Variants in SIPA1L2 observed in about 807,000 individuals in gnomAD.
SIPA1L2 encodes signal-induced proliferation-associated 1-like protein 2.
SIPA1L2 carries 56 observed loss-of-function variants against 163.9 expected under a neutral mutation model. The ratio of observed to expected loss-of-function variants is 0.34; its 90% CI spans 0.28 to 0.43. The LOEUF (loss-of-function observed/expected upper bound fraction) is 0.43, where lower values mean the gene tolerates loss of function less well. SIPA1L2 is among the 20% of genes least tolerant of loss of function. The pLI is 1.00. For missense variants in SIPA1L2, 1,974 were observed against 2,193.5 expected (o/e 0.90, Z 2.00); for synonymous variants, 877 against 865.7 (o/e 1.01, Z -0.23).
chr1:232,597,892 A>T (rs544923728), intron 1 of SIPA1L2, among the ~76,000 whole-genome samples: 3 of 152,196 alleles, frequency 2.0e-5, no homozygotes, highest in Non-Finnish European at 4.4e-5. Flanking sequence ...ACCCGAAAGA[A>T]CACTTCGAAA....
intron 7 of SIPA1L2, among the ~76,000 whole-genome samples, chr1:232,476,023 T>C (rs1665028457): frequency 6.6e-6 from 1 of 152,180 alleles, no homozygotes; most frequent in South Asian, 2.1e-4. Flanking sequence ...AAATATTCTA[T>C]AGTATTATGT....
chr1:232,547,588 TG>T (rs58061760), intron 2 of SIPA1L2, among the ~76,000 whole-genome samples: 461 of 2,558 alleles, frequency 0.18, 4 homozygotes, highest in African/African-American at 0.38. Flanking sequence ...GGGTGGGGGC[TG>T]GGGGGGGCAG....
At chr1:232,565,123 T>A (rs1051613843) in intron 2 of SIPA1L2, among the ~76,000 whole-genome samples, 3 of 152,198 alleles carry the variant, frequency 2.0e-5, no homozygotes, top group Non-Finnish European at 2.9e-5. Flanking sequence ...TGTCTAACAG[T>A]TGATTTTTCA....
rs561153033 is a variant in SIPA1L2 at position 232,588,985 on chromosome 1, A to G, written c.-318-14763T>C. ...ATTATGTGATTGATAGAACTCACAT[A>G]AACAAAAACTCTTTGGAGTCCTCAA... On this transcript the variant is annotated intron_variant, in intron 1 of 22. Coordinates refer to ENST00000674635, the MANE Select transcript of SIPA1L2 (RefSeq NM_020808.5). Among the ~76,000 whole-genome samples the G allele has an allele frequency of 5.3e-5, 8 of 152,262 alleles. No homozygotes were observed. The East Asian group carries it at 1.5e-3, about 29-fold the overall frequency.
chr1:232,445,489 T>C (rs1558183365), intron 11 of SIPA1L2, 40 bp downstream of exon 11: 6 of 1,611,616 alleles, frequency 3.7e-6, no homozygotes, highest in Non-Finnish European at 5.1e-6. Flanking sequence ...ACCCCAGTGA[T>C]TTACAAGGGC....
chr1:232,483,830 T>C lies in SIPA1L2; in HGVS notation c.1943A>G (p.Lys648Arg). 1 of 1,614,032 alleles carries C rather than the reference T, an allele frequency of 6.2e-7. No individual in the cohort carries two copies. Among genetic ancestry groups the C allele is most frequent in the Non-Finnish European group, 8.5e-7 (1 of 1,179,942 alleles). Residue 648 changes from lysine to arginine, a missense_variant, in exon 6 of 23, where the codon AAA (lysine) becomes AGA (arginine). Coordinates refer to ENST00000674635, the MANE Select transcript of SIPA1L2 (RefSeq NM_020808.5). ...CTGAGCTCGATATTTACTAAATCCT[T>C]TCAGTCGGACTCTCTGGCCCAGAAG... ...LDLLGQRVRLKGFSKYRAQLD... is the reference protein window; with the variant it reads ...LDLLGQRVRLRGFSKYRAQLD...
chr1:232,493,031 G>A (rs765435098), intron 4 of SIPA1L2, among the ~76,000 whole-genome samples: 7 of 143,190 alleles, frequency 4.9e-5, no homozygotes, highest in Non-Finnish European at 1.1e-4. Flanking sequence ...AGGGGTGATT[G>A]GATCACAGAG....
intron 2 of SIPA1L2, among the ~76,000 whole-genome samples, chr1:232,569,294 T>C (rs1659581690): frequency 1.3e-5 from 2 of 152,184 alleles, no homozygotes; most frequent in South Asian, 4.1e-4. Context: ...TCTAAACATG[T>C]TATATATAGG....
chr1:232,584,200 G>A (rs944284920), intron 1 of SIPA1L2, among the ~76,000 whole-genome samples: 18 of 152,214 alleles, frequency 1.2e-4, no homozygotes, highest in East Asian at 7.7e-4. Flanking sequence ...CCATTCAGTC[G>A]GTTAGAAATC....
intron 2 of SIPA1L2, among the ~76,000 whole-genome samples, chr1:232,533,125 A>G (rs1451546095): frequency 1.3e-5 from 2 of 152,182 alleles, no homozygotes; most frequent in Non-Finnish European, 2.9e-5. Flanking sequence ...AATTTGTTAA[A>G]AACACAAATT....
At chr1:232,480,949 C>T (rs1370723449) in intron 6 of SIPA1L2, among the ~76,000 whole-genome samples, 1 of 152,054 alleles carries the variant, frequency 6.6e-6, no homozygotes, top group Admixed American at 6.6e-5. Flanking sequence ...GACCTGAAAA[C>T]TCTTTAGAAA....
chr1:232,409,411 A>G (rs1164846108), intron 19 of SIPA1L2, among the ~76,000 whole-genome samples: 1 of 152,200 alleles, frequency 6.6e-6, no homozygotes, highest in Non-Finnish European at 1.5e-5. Flanking sequence ...ATTACAGTGG[A>G]AAGCTGTCTC....
At chr1:232,483,744 T>C in intron 6 of SIPA1L2, 48 bp downstream of exon 6, 1 of 1,605,632 alleles carries the variant, frequency 6.2e-7, no homozygotes, top group Non-Finnish European at 8.5e-7. Context: ...GAAGCATGCC[T>C]ACCTTTGGAG....
chr1:232,485,861 A>G (rs972851183), intron 5 of SIPA1L2, among the ~76,000 whole-genome samples: 1 of 152,222 alleles, frequency 6.6e-6, no homozygotes. Flanking sequence ...AACTCACTCC[A>G]GTGCCTGTGC....
chr1:232,507,689 G>A (rs1286547622), intron 3 of SIPA1L2, among the ~76,000 whole-genome samples: 1 of 152,296 alleles, frequency 6.6e-6, no homozygotes, highest in South Asian at 2.1e-4. Flanking sequence ...TATCAAGCTG[G>A]TAAGTTTCTC....
At chr1:232,481,520 C>T (rs1217238732) in intron 6 of SIPA1L2, among the ~76,000 whole-genome samples, 1 of 152,118 alleles carries the variant, frequency 6.6e-6, no homozygotes. Flanking sequence ...TTTCTCAAGC[C>T]ATACTAAAAG....
chr1:232,606,214 T>C (rs1661912586), intron 1 of SIPA1L2, among the ~76,000 whole-genome samples: 1 of 152,224 alleles, frequency 6.6e-6, no homozygotes, highest in African/African-American at 2.4e-5. Flanking sequence ...AAAGAGACAA[T>C]TAGCCTTTGA....
intron 1 of SIPA1L2, among the ~76,000 whole-genome samples, chr1:232,599,411 A>G (rs1348483289): frequency 6.6e-6 from 1 of 152,254 alleles, no homozygotes; most frequent in Non-Finnish European, 1.5e-5. Flanking sequence ...ACTGCTCCTC[A>G]GCAAAGATCT....
At chr1:232,424,151 T>C (rs1185976001) in intron 18 of SIPA1L2, among the ~76,000 whole-genome samples, 1 of 151,996 alleles carries the variant, frequency 6.6e-6, no homozygotes. Flanking sequence ...GATAAGGATC[T>C]GTCCACATAG....
Sources: allele counts gnomAD v4.1 joint callset (sites outside exome capture counted in the v4.1 genomes callset), GRCh38; gene constraint gnomAD v4.1.1; transcripts MANE v1.5; gene names NCBI Gene and HGNC (gene_info 2026-07-23, HGNC 2026-07-21).